PCBD2: variants seen among roughly 807,000 people sequenced by gnomAD.
PCBD2 encodes pterin-4-alpha-carbinolamine dehydratase 2.
PCBD2 carries 12 observed loss-of-function variants against 16.4 expected under a neutral mutation model. The ratio of observed to expected loss-of-function variants is 0.73; its 90% CI spans 0.47 to 1.19. The LOEUF is 1.19. PCBD2 is among the 50% of genes most tolerant of loss of function. The pLI is 0.00. For synonymous variants in PCBD2, 58 were observed against 61.8 expected (o/e 0.94, Z 0.29); for missense variants, 138 against 156.8 (o/e 0.88, Z 0.64).
At chr5:134,938,819 C>T (rs1036478398) in intron 2 of PCBD2, among the ~76,000 whole-genome samples, 9 of 152,108 alleles carry the variant, frequency 5.9e-5, no homozygotes, top group South Asian at 2.1e-4. Flanking sequence ...TTTGTTTTGA[C>T]GTAACCAAAC....
In PCBD2 at chr5:134,940,868, G is replaced by A. The variant is rs139373118; in HGVS notation, c.217-18172G>A. On this transcript the variant is annotated intron_variant, in intron 2 of 3. Coordinates refer to ENST00000254908, the MANE Select transcript of PCBD2 (RefSeq NM_032151.5). The stretch of plus-strand genomic sequence containing the variant: ...TTCCTGGCCGGGCATGGTGGTTCAC[G>A]CCTGTAATCCCAGCACTTTGGAAGG... 6.0e-3 allele frequency among the ~76,000 whole-genome samples: 918 copies of A among 152,044 alleles called. 4 individuals are homozygous for A. Among genetic ancestry groups the A allele is most frequent in the Non-Finnish European group, 7.3e-3 (495 of 67,962 alleles).
chr5:134,945,954 A>G (rs17167725), intron 2 of PCBD2, among the ~76,000 whole-genome samples: 5,144 of 152,156 alleles, frequency 0.034, 171 homozygotes, highest in African/African-American at 0.084. Flanking sequence ...TAAGGATACC[A>G]CCCACCAGAC....
intron 2 of PCBD2, among the ~76,000 whole-genome samples, chr5:134,940,906 G>A (rs1751218551): frequency 6.6e-6 from 1 of 152,064 alleles, no homozygotes; most frequent in South Asian, 2.1e-4. Context: ...GAGGAAGGTG[G>A]ATCATGAGGT....
intron 2 of PCBD2, chr5:134,926,979 G>T: frequency 2.5e-6 from 1 of 398,494 alleles, no homozygotes; most frequent in South Asian, 1.3e-4. Context: ...GGCTATTAGT[G>T]GGAGTAGGGT....
At chr5:134,914,470 C>T (rs781500741) in intron 2 of PCBD2, among the ~76,000 whole-genome samples, 2 of 151,998 alleles carry the variant, frequency 1.3e-5, no homozygotes, top group Non-Finnish European at 2.9e-5. Context: ...CTGTGTTCCG[C>T]TGCTGTGCAC....
intron 2 of PCBD2, among the ~76,000 whole-genome samples, chr5:134,910,727 G>A (rs1489696555): frequency 2.0e-5 from 3 of 152,202 alleles, no homozygotes; most frequent in Non-Finnish European, 2.9e-5. Context: ...GTATGGTGTT[G>A]GTTAGGATAT....
chr5:134,911,945 A>G (rs1419007803), intron 2 of PCBD2, among the ~76,000 whole-genome samples: 1 of 152,230 alleles, frequency 6.6e-6, no homozygotes, highest in Non-Finnish European at 1.5e-5. Flanking sequence ...AAATTCTTAC[A>G]TATGTACAGC....
At chr5:134,946,418 A>T (rs1751296313) in intron 2 of PCBD2, among the ~76,000 whole-genome samples, 1 of 152,146 alleles carries the variant, frequency 6.6e-6, no homozygotes, top group African/African-American at 2.4e-5. Flanking sequence ...TTCCATGGAC[A>T]CATTGCTGCC....
rs184497527 is a variant in PCBD2 at position 134,947,454 on chromosome 5, C to T, written c.217-11586C>T. On this transcript the variant is annotated intron_variant, in intron 2 of 3. Coordinates refer to ENST00000254908, the MANE Select transcript of PCBD2 (RefSeq NM_032151.5). ...TGTCACCCAGGCTGGAGTGCAGTGG[C>T]GCAGTCTTGGCTCACTGCAAGCTCC... Among the ~76,000 whole-genome samples the T allele has an allele frequency of 3.6e-3, 465 of 130,094 alleles. 9 individuals carry two copies. The East Asian group carries it at 0.046, about 13-fold the overall frequency. 85.3% of individuals were successfully genotyped at this position (130,094 alleles called of 152,430 possible). A position where few individuals can be genotyped will look rare whatever the true frequency, so the allele number is the denominator to read the frequency against.
intron 2 of PCBD2, among the ~76,000 whole-genome samples, chr5:134,915,436 ATTTTTTTTTTT>A (rs760173801): frequency 1.4e-4 from 16 of 114,218 alleles, no homozygotes; most frequent in African/African-American, 3.2e-4. Flanking sequence ...TGGGCCTCTA[ATTTTTTTTTTT>A]TTTTTTTTTT....
At chr5:134,956,660 C>T (rs948964689) in intron 2 of PCBD2, among the ~76,000 whole-genome samples, 2 of 152,190 alleles carry the variant, frequency 1.3e-5, no homozygotes, top group African/African-American at 4.8e-5. Flanking sequence ...AATGTATTAT[C>T]TGTTCGTTTG....
At chr5:134,929,001 A>G (rs1220909645) in intron 2 of PCBD2, among the ~76,000 whole-genome samples, 1 of 152,220 alleles carries the variant, frequency 6.6e-6, no homozygotes, top group East Asian at 1.9e-4. Flanking sequence ...TGTCTGAATT[A>G]GAAAGCCAGA....
At chr5:134,942,038 G>A (rs2149537702) in intron 2 of PCBD2, among the ~76,000 whole-genome samples, 1 of 150,882 alleles carries the variant, frequency 6.6e-6, no homozygotes, top group Middle Eastern at 3.4e-3. Flanking sequence ...GGCTGAGGCA[G>A]GAGAATGGCG....
At chr5:134,947,428 C>T (rs1751308911) in intron 2 of PCBD2, among the ~76,000 whole-genome samples, 1 of 127,204 alleles carries the variant, frequency 7.9e-6, no homozygotes, top group Non-Finnish European at 1.6e-5. Flanking sequence ...GAGTCTCGCT[C>T]TGTCACCCAG....
intron 2 of PCBD2, chr5:134,926,001 T>G (rs77713971): frequency 2.6e-6 from 1 of 384,026 alleles, no homozygotes; most frequent in Non-Finnish European, 4.6e-6. Flanking sequence ...AACTAATGAG[T>G]AAAAAGGATA....
At chr5:134,928,356 A>C (rs1048079953) in intron 2 of PCBD2, 4 of 377,556 alleles carry the variant, frequency 1.1e-5, no homozygotes. Context: ...TAATTTAATG[A>C]GTCGAAATCA....
chr5:134,950,308 G>A (rs1751345112), intron 2 of PCBD2, among the ~76,000 whole-genome samples: 1 of 152,152 alleles, frequency 6.6e-6, no homozygotes, highest in South Asian at 2.1e-4. Flanking sequence ...AATTAAAATA[G>A]TCTATAATCA....
intron 2 of PCBD2, among the ~76,000 whole-genome samples, chr5:134,953,882 A>G (rs1168679136): frequency 3.3e-5 from 5 of 152,180 alleles, no homozygotes; most frequent in Non-Finnish European, 5.9e-5. Context: ...CAATATTGAA[A>G]TAATATTTTC....
chr5:134,914,731 G>A (rs908397139), intron 2 of PCBD2, among the ~76,000 whole-genome samples: 9 of 151,892 alleles, frequency 5.9e-5, no homozygotes, highest in African/African-American at 2.2e-4. Context: ...GAGTACAATG[G>A]TGCGATCTTG....
Sources: gnomAD v4.1 joint callset for allele counts (sites outside exome capture counted in the v4.1 genomes callset) on GRCh38, gnomAD v4.1.1 for gene constraint, MANE v1.5 for transcripts, NCBI Gene and HGNC (gene_info 2026-07-23, HGNC 2026-07-21) for gene names.